Variants in MPC1 observed in about 807,000 individuals in gnomAD.
The protein encoded by MPC1 is HSPC040 protein.
MPC1 carries 6 observed loss-of-function variants against 13.9 expected under a neutral mutation model. The ratio of observed to expected loss-of-function variants is 0.43; its 90% CI spans 0.24 to 0.85. The LOEUF (loss-of-function observed/expected upper bound fraction) is 0.85, where lower values mean the gene tolerates loss of function less well. MPC1 is among the 40% of genes least tolerant of loss of function. The probability of loss-of-function intolerance (pLI) is 0.24; values close to 1 mark genes in which losing one functional copy is unlikely to be tolerated. For missense variants in MPC1, 115 were observed against 143.3 expected (o/e 0.80, Z 1.01); for synonymous variants, 47 against 50.5 (o/e 0.93, Z 0.29).
In MPC1 at chr6:166,382,800, C is replaced by G; in HGVS notation, c.71+6G>C. On this transcript the variant is annotated splice_donor_region_variant and intron_variant, in intron 1 of 4. Coordinates refer to ENST00000360961, the MANE Select transcript of MPC1 (RefSeq NM_016098.4). ...GTTGCGGGGTTCGGCCTGCGGCGCT[C>G]GTCACCTCATGAGGTAGTCCCGGAA... is the stretch of plus-strand genomic sequence containing the variant. 4 of 1,586,508 alleles carry G rather than the reference C, an allele frequency of 2.5e-6. No homozygotes were observed. The highest frequency in any genetic ancestry group is 2.3e-5 in the South Asian group (2 of 87,298).
Position 166,365,482 on chromosome 6 carries a change from T to C in MPC1, c.306-29A>G, listed in dbSNP as rs1407071936. The stretch of plus-strand genomic sequence containing the variant: ...GAAAGAAACAAAAAGAAAAATTCAA[T>C]GAGAAACAAAATTTCAATGCCAATC... On this transcript the variant is annotated intron_variant, in intron 4 of 4. Transcript: ENST00000360961. This position sits in a 1 kb window ranked among gnomAD's most constrained non-coding sequence, Gnocchi z 4.2. 4 of 1,559,394 alleles carry C rather than the reference T, an allele frequency of 2.6e-6. No homozygotes were observed. The highest frequency in any genetic ancestry group is 1.9e-5 in the Admixed American group (1 of 53,202).
intron 1 of MPC1, among the ~76,000 whole-genome samples, chr6:166,373,374 A>G (rs1044544739): frequency 6.6e-6 from 1 of 152,220 alleles, no homozygotes; most frequent in Non-Finnish European, 1.5e-5. Context: ...AGTTGGAACC[A>G]GGTAGTATGC....
At chr6:166,376,692 T>C (rs538746437) in intron 1 of MPC1, among the ~76,000 whole-genome samples, 3 of 152,376 alleles carry the variant, frequency 2.0e-5, no homozygotes, top group African/African-American at 4.8e-5. Flanking sequence ...TTTTGGAGCA[T>C]TGATCCCATT....
intron 2 of MPC1, chr6:166,367,188 T>C (rs1339709418): frequency 8.3e-7 from 1 of 1,197,608 alleles, no homozygotes; most frequent in African/African-American, 1.6e-5. Flanking sequence ...GATTGTCCTA[T>C]TTAGAACATT....
rs1164414237 is a variant in MPC1, at chr6:166,369,975, G to T, written c.75+243C>A. On this transcript the variant is annotated intron_variant, in intron 2 of 4. Transcript: ENST00000360961. ...AGGCTCCACTGTGACTGTTATCAATGAAGTAATTATATGCTTGTTTCTAAA... is the reference window on the plus strand; with the variant it reads ...AGGCTCCACTGTGACTGTTATCAATTAAGTAATTATATGCTTGTTTCTAAA... The T allele has an allele frequency of 4.5e-6, 3 of 667,876 alleles. No homozygotes were observed. The East Asian group carries it at 8.5e-5, about 19-fold the overall frequency. 41.4% of individuals were successfully genotyped at this position (667,876 alleles called of 1,614,324 possible).
In MPC1 at chr6:166,382,885, C is replaced by T. The variant is rs370510209; in HGVS notation, c.-9G>A. 2 of 1,594,526 alleles carry T rather than the reference C, an allele frequency of 1.3e-6. No homozygotes were observed. Among genetic ancestry groups the T allele is most frequent in the Non-Finnish European group, 1.7e-6 (2 of 1,172,536 alleles). ...ACCAACGCGCCCGCCATGGCTGTGC[C>T]GACACCAGACCCCGAGTGGTCCCTG... On this transcript the variant is annotated 5_prime_UTR_variant, in exon 1 of 5. Transcript: ENST00000360961.
intron 3 of MPC1, among the ~76,000 whole-genome samples, chr6:166,366,548 G>C (rs534343395): frequency 3.3e-5 from 5 of 152,324 alleles, no homozygotes; most frequent in Non-Finnish European, 5.9e-5. Flanking sequence ...GAATGATTCA[G>C]ATGACACAGT....
At chr6:166,371,792 G>C (rs1198775367) in intron 1 of MPC1, among the ~76,000 whole-genome samples, 1 of 151,964 alleles carries the variant, frequency 6.6e-6, no homozygotes, top group Non-Finnish European at 1.5e-5. Flanking sequence ...TATAAATTAG[G>C]CAGAGTAAGA....
At chr6:166,370,029 A>G (rs1019455679) in intron 2 of MPC1, 189 bp downstream of exon 2, 2 of 711,456 alleles carry the variant, frequency 2.8e-6, no homozygotes, top group African/African-American at 3.5e-5. Context: ...CCCCAGGAGC[A>G]TGGCTGTCAC....
rs148611946 is a variant in MPC1 at position 166,365,375 on chromosome 6, C to A, written c.*54G>T. 124 of 1,447,178 alleles carry A rather than the reference C, an allele frequency of 8.6e-5. No individual in the cohort carries two copies. In the African/African-American group the frequency reaches 1.4e-3, roughly 16 times the overall value. The allele number at this position is 1,447,178 out of a possible 1,614,324, so 89.6% of individuals were successfully genotyped here. ...GCTATTTATAATGAAATCTGTGACT[C>A]AGCAGCAGCTGGCAATGCTGTCCCT... On this transcript the variant is annotated 3_prime_UTR_variant, in exon 5 of 5. Transcript: ENST00000360961. This position sits in a 1 kb window ranked among gnomAD's most constrained non-coding sequence, Gnocchi z 4.2.
rs1779108055 is a variant in MPC1, at chr6:166,365,300, A to C, written c.*129T>G. 3 of 732,352 alleles carry C rather than the reference A, an allele frequency of 4.1e-6. No homozygotes were observed. The highest frequency in any genetic ancestry group is 2.6e-4 in the Middle Eastern group (1 of 3,912). The allele number at this position is 732,352 out of a possible 1,614,324, so 45.4% of individuals were successfully genotyped here. On this transcript the variant is annotated 3_prime_UTR_variant, in exon 5 of 5. Transcript: ENST00000360961. This position sits in a 1 kb window ranked among gnomAD's most constrained non-coding sequence, Gnocchi z 4.2. ...TTAGAAACTCTCAGCTATTTCTATA[A>C]AAATAGAATGGTTAGTAAAAATAGC...
chr6:166,378,132 G>C (rs1562461337), intron 1 of MPC1, among the ~76,000 whole-genome samples: 1 of 152,162 alleles, frequency 6.6e-6, no homozygotes, highest in African/African-American at 2.4e-5. Flanking sequence ...TGAAGCACTG[G>C]AATTTCTAAG....
intron 1 of MPC1, among the ~76,000 whole-genome samples, chr6:166,379,455 T>G (rs1251708278): frequency 2.6e-5 from 4 of 152,042 alleles, no homozygotes; most frequent in Non-Finnish European, 5.9e-5. Flanking sequence ...GATCATGCCA[T>G]TGCACTCCAG....
At chr6:166,366,602 C>T (rs1170853821) in intron 3 of MPC1, among the ~76,000 whole-genome samples, 193 bp downstream of exon 3, 3 of 152,226 alleles carry the variant, frequency 2.0e-5, no homozygotes, top group Non-Finnish European at 4.4e-5. Flanking sequence ...TAAGATGTTA[C>T]TACTTCCTAG....
At chr6:166,369,852 A>G (rs1779309344) in intron 2 of MPC1, 8 of 390,340 alleles carry the variant, frequency 2.0e-5, no homozygotes, top group Middle Eastern at 8.0e-4. Context: ...TGTGAAAATC[A>G]AGCCATGGAA....
At chr6:166,371,989 A>T (rs1322121673) in intron 1 of MPC1, among the ~76,000 whole-genome samples, 2 of 152,196 alleles carry the variant, frequency 1.3e-5, no homozygotes, top group African/African-American at 2.4e-5. Flanking sequence ...TGTGCTTCAG[A>T]TAGGTTATAT....
chr6:166,376,963 G>A (rs1779590057), intron 1 of MPC1, among the ~76,000 whole-genome samples: 1 of 151,962 alleles, frequency 6.6e-6, no homozygotes, highest in South Asian at 2.1e-4. Flanking sequence ...AGTGATTATT[G>A]ATATAGTTGT....
In MPC1 at chr6:166,365,581, T is replaced by TG; in HGVS notation, c.306-129_306-128insC. The stretch of plus-strand genomic sequence containing the variant: ...TTCAACTTACAACTTATAAAAACAA[T>TG]AATATAGGTTGGGTATCCCTCATCT... On this transcript the variant is annotated intron_variant, in intron 4 of 4. Coordinates refer to ENST00000360961, the MANE Select transcript of MPC1 (RefSeq NM_016098.4). The surrounding 1 kb of genome is among the most constrained non-coding windows in gnomAD (Gnocchi z 4.2). 1 of 732,524 alleles carries TG rather than the reference T, an allele frequency of 1.4e-6. No homozygotes were observed. 45.4% of individuals were successfully genotyped at this position (732,524 alleles called of 1,614,324 possible). A position where few individuals can be genotyped will look rare whatever the true frequency, so the allele number is the denominator to read the frequency against.
At chr6:166,380,849 A>G (rs961054404) in intron 1 of MPC1, among the ~76,000 whole-genome samples, 2 of 151,682 alleles carry the variant, frequency 1.3e-5, no homozygotes, top group African/African-American at 4.8e-5. Context: ...TAAGGTAGGA[A>G]AATCACTTGA....
Sources: gnomAD v4.1 joint callset for allele counts (sites outside exome capture counted in the v4.1 genomes callset) on GRCh38, gnomAD v4.1.1 for gene constraint, Gnocchi (gnomAD v3.1) non-coding constraint, MANE v1.5 for transcripts, NCBI Gene and HGNC (gene_info 2026-07-23, HGNC 2026-07-21) for gene names.